Variants in ZNF438 observed in about 807,000 individuals in gnomAD.
ZNF438 encodes the protein zinc finger protein 438.
Under a neutral mutation model 38.0 loss-of-function variants are expected in ZNF438, and 25 were observed. That is an observed-to-expected ratio of 0.66 (90% CI 0.48 to 0.92). The LOEUF (loss-of-function observed/expected upper bound fraction) is 0.92. Ranked by LOEUF, ZNF438 falls within the 40% of genes least tolerant of loss-of-function variation. ZNF438 has a pLI of 0.00. For synonymous variants in ZNF438, 372 were observed against 364.1 expected (o/e 1.02, Z -0.25); for missense variants, 1,007 against 999.6 (o/e 1.01, Z -0.10).
At chr10:30,990,061 T>G (rs1001842092) in intron 1 of ZNF438, among the ~76,000 whole-genome samples, 9 of 152,170 alleles carry the variant, frequency 5.9e-5, no homozygotes, top group African/African-American at 1.9e-4. Flanking sequence ...GCTTCAGTGA[T>G]GGTAATACTT....
intron 2 of ZNF438, among the ~76,000 whole-genome samples, chr10:30,932,642 G>A (rs980890320): frequency 5.3e-5 from 8 of 152,104 alleles, no homozygotes; most frequent in African/African-American, 1.9e-4. Flanking sequence ...CCATTACTCT[G>A]CACTCTACAA....
At chr10:30,875,841 G>A (rs1240903059) in intron 4 of ZNF438, among the ~76,000 whole-genome samples, 1 of 152,186 alleles carries the variant, frequency 6.6e-6, no homozygotes, top group African/African-American at 2.4e-5. Context: ...GGCAAGAGGC[G>A]GCCTCATGGC....
At chr10:30,877,613 A>G (rs544622706) in intron 3 of ZNF438, among the ~76,000 whole-genome samples, 1 of 152,322 alleles carries the variant, frequency 6.6e-6, no homozygotes, top group South Asian at 2.1e-4. Flanking sequence ...AAGGCACAGG[A>G]AAACACATGG....
intron 1 of ZNF438, among the ~76,000 whole-genome samples, chr10:30,992,914 A>C (rs1398496688): frequency 6.6e-6 from 1 of 152,230 alleles, no homozygotes; most frequent in Non-Finnish European, 1.5e-5. Flanking sequence ...GGAATGCTGG[A>C]CTTGAGAGTG....
At chr10:30,970,938 T>A (rs2136220796) in intron 1 of ZNF438, among the ~76,000 whole-genome samples, 1 of 152,298 alleles carries the variant, frequency 6.6e-6, no homozygotes, top group South Asian at 2.1e-4. Flanking sequence ...TGAGCAAGAA[T>A]CATCCTCATA....
At chr10:30,876,460 A>C (rs1449485881) in intron 4 of ZNF438, among the ~76,000 whole-genome samples, 2 of 152,214 alleles carry the variant, frequency 1.3e-5, no homozygotes, top group Non-Finnish European at 2.9e-5. Flanking sequence ...AAGGTCCAGA[A>C]GTGCCTGTTA....
chr10:30,886,901 C>G (rs957001913), intron 3 of ZNF438, among the ~76,000 whole-genome samples: 1 of 152,034 alleles, frequency 6.6e-6, no homozygotes, highest in African/African-American at 2.4e-5. Flanking sequence ...AATGTATATA[C>G]CTTTACAGTG....
rs2033180966 is a variant in ZNF438 at position 30,849,756 on chromosome 10, G to A, written c.649C>T (p.Pro217Ser). ...GGTGTGGATGATGCTGGGGTAGCAGGAGGGTTCAGACTGCCATGGGTGTTG... is the reference window on the plus strand; with the variant it reads ...GGTGTGGATGATGCTGGGGTAGCAGAAGGGTTCAGACTGCCATGGGTGTTG... Residue 217 changes from proline (P) to serine (S), a missense_variant, in exon 5 of 6, where the codon CCT becomes TCT. Pro to Ser is a moderately conservative substitution (Grantham distance 74). Transcript: ENST00000413025. 2.5e-6 allele frequency: 4 copies of A among 1,614,224 alleles called. No homozygotes were observed. Among genetic ancestry groups the A allele is most frequent in the Non-Finnish European group, 3.4e-6 (4 of 1,180,040 alleles).
At chr10:30,877,332 G>A (rs1220335626) in intron 3 of ZNF438, among the ~76,000 whole-genome samples, 1 of 152,170 alleles carries the variant, frequency 6.6e-6, no homozygotes, top group African/African-American at 2.4e-5. Context: ...CTCTCATGGG[G>A]TCATGTGTAA....
At chr10:31,018,368 A>G (rs1438596924) in intron 1 of ZNF438, among the ~76,000 whole-genome samples, 2 of 152,194 alleles carry the variant, frequency 1.3e-5, no homozygotes, top group East Asian at 3.8e-4. Flanking sequence ...AGTTACTGGC[A>G]AGGACGAATC....
chr10:30,915,335 C>T (rs1044112559), intron 2 of ZNF438, among the ~76,000 whole-genome samples: 2 of 152,006 alleles, frequency 1.3e-5, no homozygotes, highest in Non-Finnish European at 2.9e-5. Context: ...CAAGATATTG[C>T]AGAACTCTGG....
chr10:30,845,155 G>A, exon 6 of ZNF438: 6 of 1,614,234 alleles, frequency 3.7e-6, no homozygotes, highest in South Asian at 1.1e-5. Context: ...AACGTGTGGA[G>A]GCCAGGACAC....
chr10:31,012,719 T>G (rs2055824465), intron 1 of ZNF438, among the ~76,000 whole-genome samples: 1 of 152,150 alleles, frequency 6.6e-6, no homozygotes, highest in South Asian at 2.1e-4. Context: ...CCCACTTCAC[T>G]CTCTATCTTT....
intron 2 of ZNF438, among the ~76,000 whole-genome samples, chr10:30,917,902 CTGA>C (rs1177130656): frequency 4.6e-5 from 7 of 152,190 alleles, no homozygotes; most frequent in Admixed American, 2.0e-4. Context: ...AGGATATTCT[CTGA>C]TGTTTTCTTA....
At chr10:30,999,098 A>G (rs2054380254) in intron 1 of ZNF438, among the ~76,000 whole-genome samples, 1 of 146,332 alleles carries the variant, frequency 6.8e-6, no homozygotes, top group African/African-American at 2.6e-5. Context: ...TCCCAAATGG[A>G]AAAAAAAAAA....
At chr10:30,947,567 C>T (rs1406615407) in intron 1 of ZNF438, among the ~76,000 whole-genome samples, 1 of 152,244 alleles carries the variant, frequency 6.6e-6, no homozygotes, top group African/African-American at 2.4e-5. Flanking sequence ...TTGGAGCTTC[C>T]CGGCTGCTTT....
chr10:30,900,166 G>A (rs1239354259), intron 3 of ZNF438, among the ~76,000 whole-genome samples: 1 of 152,058 alleles, frequency 6.6e-6, no homozygotes, highest in Non-Finnish European at 1.5e-5. Context: ...TAAAAACTAT[G>A]TATGGATACT....
intron 1 of ZNF438, among the ~76,000 whole-genome samples, chr10:31,002,356 T>A (rs2054743955): frequency 6.6e-6 from 1 of 152,210 alleles, no homozygotes; most frequent in Admixed American, 6.5e-5. Context: ...ATTATAGATA[T>A]TCACCCTTAG....
At chr10:30,939,453 T>C (rs1018118466) in intron 2 of ZNF438, among the ~76,000 whole-genome samples, 3 of 152,198 alleles carry the variant, frequency 2.0e-5, no homozygotes, top group African/African-American at 4.8e-5. Flanking sequence ...CATAAGTTTG[T>C]ATAGCATCCA....
Sources: gnomAD v4.1 joint callset for allele counts (sites outside exome capture counted in the v4.1 genomes callset) on GRCh38, gnomAD v4.1.1 for gene constraint, MANE v1.5 for transcripts, NCBI Gene and HGNC (gene_info 2026-07-23, HGNC 2026-07-21) for gene names.